The following COL4A6 variants were observed in gnomAD, a reference collection of about 807,000 sequenced individuals.
The protein encoded by COL4A6 is collagen type IV alpha 6 chain, also known as collagen alpha-6(IV) chain.
A neutral mutation model predicts 126.7 loss-of-function variants in COL4A6; 59 were observed. The ratio of observed to expected loss-of-function variants is 0.47; its 90% CI spans 0.38 to 0.58. The LOEUF (loss-of-function observed/expected upper bound fraction) is 0.58. COL4A6 is among the 20% of genes least tolerant of loss of function. COL4A6 has a pLI of 0.00. For synonymous variants in COL4A6, 547 were observed against 496.6 expected (o/e 1.10, Z -1.35); for missense variants, 1,285 against 1,337.3 (o/e 0.96, Z 0.61).
intron 2 of COL4A6, among the ~76,000 whole-genome samples, chrX:108,413,531 TCA>T (rs1483736958): frequency 2.7e-5 from 3 of 111,541 alleles, no homozygotes; most frequent in Admixed American, 9.5e-5. Context: ...CGATCTCGGC[TCA>T]CTGCAAGCTC....
chrX:108,370,675 G>A (rs954347900), intron 2 of COL4A6, among the ~76,000 whole-genome samples: 4 of 110,748 alleles, frequency 3.6e-5, no homozygotes, highest in African/African-American at 1.3e-4. Context: ...ATTGCAACCC[G>A]ATTTGGTCCA....
chrX:108,236,954 TC>T (rs761394895), intron 3 of COL4A6, among the ~76,000 whole-genome samples: 13 of 111,922 alleles, frequency 1.2e-4, no homozygotes, highest in Non-Finnish European at 2.3e-4. Flanking sequence ...ACTGGCCCCT[TC>T]CATTTTGCCC....
intron 12 of COL4A6, among the ~76,000 whole-genome samples, chrX:108,203,609 C>T (rs1006554014): frequency 2.3e-4 from 26 of 112,446 alleles, no homozygotes; most frequent in African/African-American, 8.1e-4. Flanking sequence ...CCTGCCTAGG[C>T]CCCTTGGCCA....
intron 7 of COL4A6, among the ~76,000 whole-genome samples, 189 bp downstream of exon 7, chrX:108,211,483 G>A (rs1240911840): frequency 1.8e-5 from 2 of 113,329 alleles, no homozygotes; most frequent in African/African-American, 6.4e-5. Flanking sequence ...CTCTTTGACA[G>A]TATAGTTGCA....
chrX:108,432,584 C>T (rs1031432100), intron 2 of COL4A6, among the ~76,000 whole-genome samples: 2 of 111,593 alleles, frequency 1.8e-5, no homozygotes, highest in Non-Finnish European at 3.8e-5. Context: ...GCCTGTAATC[C>T]CAGCACTTTG....
intron 6 of COL4A6, chrX:108,213,835 G>T: frequency 6.7e-6 from 2 of 299,156 alleles, no homozygotes; most frequent in Non-Finnish European, 1.2e-5. Flanking sequence ...ATTTTGCCAT[G>T]AAATTTACTA....
chrX:108,214,153 A>G lies in COL4A6; in HGVS notation c.400T>C (p.Phe134Leu), dbSNP rs761365224. Residue 134 changes from phenylalanine to leucine, a missense_variant, in exon 6 of 45, where the codon TTT becomes CTT. Coordinates refer to ENST00000334504, the MANE Select transcript of COL4A6 (RefSeq NM_033641.4). ...CCAGGATAGCCATCAGGGCCTGGAA[A>G]TCCAACAGCTCCTTGAGTTCCATTA... ...GCNGTQGAVG[F>L]PGPDGYPGLL... 1.7e-6 allele frequency: 2 copies of G among 1,210,166 alleles called. No individual in the cohort carries two copies. The highest frequency in any genetic ancestry group is 3.5e-5 in the South Asian group (2 of 56,649).
In COL4A6 at chrX:108,377,033, C is replaced by T. The variant is rs148743329; in HGVS notation, c.63+60909G>A. Among the ~76,000 whole-genome samples the T allele has an allele frequency of 8.3e-3, 939 of 112,495 alleles. 4 individuals carry two copies. The highest frequency in any genetic ancestry group is 0.015 in the Non-Finnish European group (814 of 53,258). On this transcript the variant is annotated intron_variant, in intron 2 of 44. Coordinates refer to ENST00000334504, the MANE Select transcript of COL4A6 (RefSeq NM_033641.4). Reference sequence around the variant, plus strand: ...CCGCGCCGGCCGCGGCCTCTGAGTTCCCTTAGTATTTGTTGATCATTATCG... The same window carrying T: ...CCGCGCCGGCCGCGGCCTCTGAGTTTCCTTAGTATTTGTTGATCATTATCG...
intron 2 of COL4A6, among the ~76,000 whole-genome samples, chrX:108,431,611 G>A (rs2064174472): frequency 9.0e-6 from 1 of 111,472 alleles, no homozygotes; most frequent in African/African-American, 3.3e-5. Flanking sequence ...GTTGACAAGG[G>A]GTGGACTTGC....
At position 108,174,387 on chromosome X, in the gene COL4A6, C is replaced by T. The variant is rs1325556592; in HGVS notation, c.3138+53G>A. ...GAGGTGGGCAGTGGGGGTATATCCC[C>T]GTGAGATGGGGGGCCTTTTCTGGTA... On this transcript the variant is annotated intron_variant, in intron 31 of 44. Transcript: ENST00000334504. 11 of 1,159,998 alleles carry T rather than the reference C, an allele frequency of 9.5e-6. No individual in the cohort carries two copies. The Admixed American group carries it at 1.8e-4, about 19-fold the overall frequency.
intron 28 of COL4A6, among the ~76,000 whole-genome samples, chrX:108,176,047 C>T (rs1176245903): frequency 9.0e-6 from 1 of 110,717 alleles, no homozygotes; most frequent in African/African-American, 3.3e-5. Flanking sequence ...TCCTCTCGGC[C>T]GGGCACAGTG....
chrX:108,281,221 G>A (rs1168755441), intron 3 of COL4A6, among the ~76,000 whole-genome samples: 3 of 94,570 alleles, frequency 3.2e-5, no homozygotes, highest in East Asian at 3.3e-4. Context: ...GTTTGCAGAC[G>A]ACATGATTGT....
chrX:108,378,819 T>C (rs1291953012), intron 2 of COL4A6, among the ~76,000 whole-genome samples: 25 of 113,433 alleles, frequency 2.2e-4, no homozygotes, highest in African/African-American at 6.7e-4. Flanking sequence ...AATAAAATTT[T>C]ATTGGAACAC....
rs191174004 is a variant in COL4A6 at position 108,285,086 on chromosome X, G to A, written c.144+25662C>T. On this transcript the variant is annotated intron_variant, in intron 3 of 44. Transcript: ENST00000334504. ...AAAAACCACCTGTTCTTTCCCAAGCGGCCCAGGCTGTATACTCTGGGTCTA... is the reference window on the plus strand; with the variant it reads ...AAAAACCACCTGTTCTTTCCCAAGCAGCCCAGGCTGTATACTCTGGGTCTA... Among the ~76,000 whole-genome samples the A allele has an allele frequency of 2.6e-3, 290 of 111,568 alleles. 1 individual carries two copies. The highest frequency in any genetic ancestry group is 8.7e-3 in the African/African-American group (267 of 30,735).
chrX:108,178,777 C>T lies in COL4A6; in HGVS notation c.2422G>A (p.Val808Met), dbSNP rs752252767. ...ERGSPGTPGQ[V>M]GQPGTPGSSG... Reference sequence around the variant, plus strand: ...GATCCTGGGGTGCCTGGCTGTCCCACCTGTCCTGGTGTCCCAGGGCTGCCC... The same window carrying T: ...GATCCTGGGGTGCCTGGCTGTCCCATCTGTCCTGGTGTCCCAGGGCTGCCC... The change falls in exon 27 of 45, where the codon GTG becomes ATG. Residue 808 changes from valine (V) to methionine (M), a missense_variant. By Grantham distance (21) the Val-to-Met change is conservative (BLOSUM62 1). Coordinates refer to ENST00000334504, the MANE Select transcript of COL4A6 (RefSeq NM_033641.4). The T allele has an allele frequency of 3.3e-6, 4 of 1,211,903 alleles. No homozygotes were observed. In the Admixed American group the frequency reaches 6.5e-5, roughly 20 times the overall value.
chrX:108,163,607 G>A (rs1340828626), intron 40 of COL4A6: 2 of 112,864 alleles, frequency 1.8e-5, no homozygotes, highest in South Asian at 3.7e-4. Flanking sequence ...GGAGATTATG[G>A]TCTGGTGATG....
At chrX:108,197,202 CA>C (rs913258227) in intron 13 of COL4A6, among the ~76,000 whole-genome samples, 1 of 111,678 alleles carries the variant, frequency 9.0e-6, no homozygotes, top group Admixed American at 9.4e-5. Flanking sequence ...AGAGATAGTC[CA>C]AAGGGGACTG....
chrX:108,199,345 C>T (rs1307056789), intron 13 of COL4A6, among the ~76,000 whole-genome samples: 1 of 110,368 alleles, frequency 9.1e-6, no homozygotes, highest in African/African-American at 3.3e-5. Flanking sequence ...CCACCTTTCT[C>T]CTCATAACTT....
At position 108,221,374 on chromosome X, in the gene COL4A6, C is replaced by T; in HGVS notation, c.145G>A (p.Gly49Arg). 1 of 1,209,841 alleles carries T rather than the reference C, an allele frequency of 8.3e-7. No individual in the cohort carries two copies. ...CQCFPEKGAR[G>R]RPGPIGIQGP... Reference sequence around the variant, plus strand: ...TGAATTCCAATTGGTCCAGGTCGTCCCTAAGGTGGACAGAAGGAGTGCAAT... The same window carrying T: ...TGAATTCCAATTGGTCCAGGTCGTCTCTAAGGTGGACAGAAGGAGTGCAAT... Residue 49 changes from glycine (G) to arginine (R), a missense_variant and splice_region_variant, in exon 4 of 45, where the codon GGA becomes AGA. Transcript: ENST00000334504.
Sources: gnomAD v4.1 joint callset for allele counts (sites outside exome capture counted in the v4.1 genomes callset) on GRCh38, gnomAD v4.1.1 for gene constraint, MANE v1.5 for transcripts, NCBI Gene and HGNC (gene_info 2026-07-23, HGNC 2026-07-21) for gene names.